Variants in XRCC5 observed in about 807,000 individuals in gnomAD.
XRCC5 encodes DNA repair protein Ku80.
A neutral mutation model predicts 95.7 loss-of-function variants in XRCC5; 12 were observed. The observed-to-expected ratio is 0.13, with a 90% CI of 0.08 to 0.20. The LOEUF (loss-of-function observed/expected upper bound fraction) is 0.20. XRCC5 is among the 10% of genes least tolerant of loss of function. XRCC5 has a pLI of 1.00. For missense variants in XRCC5, 595 were observed against 873.9 expected, an observed-to-expected ratio of 0.68 and a Z score of 4.02; for synonymous variants, 281 against 290.3, an observed-to-expected ratio of 0.97 and a Z score of 0.33.
At chr2:216,140,927 C>A (rs1007040419) in intron 12 of XRCC5, among the ~76,000 whole-genome samples, 3 of 152,046 alleles carry the variant, frequency 2.0e-5, no homozygotes, top group Non-Finnish European at 4.4e-5. Flanking sequence ...AACTTTCTTG[C>A]TTTTGATCTG....
chr2:216,131,430 T>G (rs1406611624), intron 9 of XRCC5, among the ~76,000 whole-genome samples: 1 of 152,120 alleles, frequency 6.6e-6, no homozygotes, highest in East Asian at 1.9e-4. Context: ...GGCTCCAGAT[T>G]TCATAGATCA....
intron 13 of XRCC5, among the ~76,000 whole-genome samples, chr2:216,141,952 G>A (rs1187168166): frequency 6.6e-6 from 1 of 152,098 alleles, no homozygotes; most frequent in Non-Finnish European, 1.5e-5. Context: ...TTCTCAGGAG[G>A]CTGAAGTGGG....
intron 15 of XRCC5, among the ~76,000 whole-genome samples, chr2:216,160,719 A>G (rs1688937007): frequency 6.6e-6 from 1 of 151,962 alleles, no homozygotes; most frequent in South Asian, 2.1e-4. Flanking sequence ...GCCAGGAGGA[A>G]GAATATTTTA....
At chr2:216,196,218 TAA>T (rs58466188) in intron 19 of XRCC5, among the ~76,000 whole-genome samples, 5,226 of 141,484 alleles carry the variant, frequency 0.037, 118 homozygotes, top group Middle Eastern at 0.11. Context: ...AGATTTTTGT[TAA>T]AAAAAAAAAA....
rs893237811 is a variant in XRCC5, at chr2:216,156,738, G to A, written c.1671-3330G>A. ...TGCACAAGATTTATTCCTCAAATGA[G>A]GATTTTGCCGCTGCTCCATTGGAAC... On this transcript the variant is annotated intron_variant, in intron 14 of 20. Coordinates refer to ENST00000392132, the MANE Select transcript of XRCC5 (RefSeq NM_021141.4). 9.4e-6 allele frequency: 5 copies of A among 534,738 alleles called. No homozygotes were observed. The African/African-American group carries it at 9.6e-5, about 10-fold the overall frequency. 33.1% of individuals were successfully genotyped at this position (534,738 alleles called of 1,614,324 possible). A position where few individuals can be genotyped will look rare whatever the true frequency, so the allele number is the denominator to read the frequency against.
chr2:216,172,613 C>A (rs1017368534), intron 16 of XRCC5, among the ~76,000 whole-genome samples: 78 of 151,812 alleles, frequency 5.1e-4, no homozygotes, highest in African/African-American at 1.9e-3. Flanking sequence ...GGATTACAGG[C>A]ATGAGGTACT....
At chr2:216,141,458 C>T (rs1697167380) in intron 13 of XRCC5, 139 bp downstream of exon 13, 1 of 657,980 alleles carries the variant, frequency 1.5e-6, no homozygotes, top group South Asian at 3.2e-5. Flanking sequence ...GGAAGAATAA[C>T]ATCTTCCTCT....
intron 16 of XRCC5, among the ~76,000 whole-genome samples, chr2:216,179,109 A>G (rs1689333558): frequency 1.3e-5 from 2 of 152,248 alleles, no homozygotes; most frequent in South Asian, 4.1e-4. Context: ...TCTGGAGACT[A>G]AAGTCCAAAA....
In XRCC5 at chr2:216,117,533, TTTC is replaced by T. The variant is rs552833899; in HGVS notation, c.320-210_320-208del. The T allele has an allele frequency of 5.1e-4, 257 of 504,676 alleles. 1 individual carries two copies. Among genetic ancestry groups the T allele is most frequent in the African/African-American group, 4.4e-3 (236 of 53,048 alleles). 31.3% of individuals were successfully genotyped at this position (504,676 alleles called of 1,614,324 possible). A position where few individuals can be genotyped will look rare whatever the true frequency, so the allele number is the denominator to read the frequency against. ...TGTGTTAGATTACCTTTTGTTTATA[TTTC>T]TTGGTTGTTTTTGGCAGAATATATA... is the stretch of plus-strand genomic sequence containing the variant. On this transcript the variant is annotated intron_variant, in intron 3 of 20. Transcript: ENST00000392132.
intron 15 of XRCC5, among the ~76,000 whole-genome samples, chr2:216,161,067 C>T (rs2106027249): frequency 1.3e-5 from 2 of 152,216 alleles, no homozygotes; most frequent in East Asian, 3.9e-4. Flanking sequence ...CTTTTTAACA[C>T]AATGTACTAG....
chr2:216,185,952 T>C (rs1275090024), intron 16 of XRCC5, among the ~76,000 whole-genome samples: 1 of 152,234 alleles, frequency 6.6e-6, no homozygotes, highest in Non-Finnish European at 1.5e-5. Flanking sequence ...ATTTAAAATT[T>C]ATTTAACTGC....
At chr2:216,160,661 A>T (rs918665850) in intron 15 of XRCC5, among the ~76,000 whole-genome samples, 7 of 146,396 alleles carry the variant, frequency 4.8e-5, no homozygotes, top group South Asian at 4.4e-4. Flanking sequence ...TGAAAATACT[A>T]CCTTAATTAA....
chr2:216,160,783 G>C (rs1204923224), intron 15 of XRCC5, among the ~76,000 whole-genome samples: 1 of 152,090 alleles, frequency 6.6e-6, no homozygotes. Context: ...ACAGTAGTGT[G>C]ATTTTAGCTC....
chr2:216,173,187 T>G (rs1689203577), intron 16 of XRCC5, among the ~76,000 whole-genome samples: 1 of 152,110 alleles, frequency 6.6e-6, no homozygotes, highest in Non-Finnish European at 1.5e-5. Context: ...AAGCTTTACT[T>G]CTTCTTTTAT....
At chr2:216,137,598 A>G (rs1697106814) in intron 11 of XRCC5, among the ~76,000 whole-genome samples, 1 of 152,250 alleles carries the variant, frequency 6.6e-6, no homozygotes, top group African/African-American at 2.4e-5. Context: ...TTGGAACCAA[A>G]TAGAGAAATT....
intron 16 of XRCC5, among the ~76,000 whole-genome samples, chr2:216,185,008 A>C (rs1263846026): frequency 6.6e-6 from 1 of 152,062 alleles, no homozygotes; most frequent in Non-Finnish European, 1.5e-5. Context: ...TACTGGTGGG[A>C]AGTAGGGAGG....
At chr2:216,160,963 G>A (rs1053512973) in intron 15 of XRCC5, among the ~76,000 whole-genome samples, 1 of 151,956 alleles carries the variant, frequency 6.6e-6, no homozygotes, top group African/African-American at 2.4e-5. Context: ...CGAAGCACTG[G>A]GATTATAGTC....
In XRCC5 at chr2:216,205,174, G is replaced by A; in HGVS notation, c.2185-14G>A. ...GGCCTGATTCCTTTCTAAGTGTGTT[G>A]TTCTTGTTCACAGTTGGACATGATA... On this transcript the variant is annotated splice_polypyrimidine_tract_variant and intron_variant, in intron 20 of 20. Transcript: ENST00000392132. 3.1e-6 allele frequency: 5 copies of A among 1,613,848 alleles called. No homozygotes were observed. Among genetic ancestry groups the A allele is most frequent in the Non-Finnish European group, 4.2e-6 (5 of 1,179,796 alleles).
rs201861327 is a variant in XRCC5 at position 216,192,653 on chromosome 2, G to A, written c.1959G>A (p.Gln653=). The A allele has an allele frequency of 5.7e-6, 9 of 1,590,992 alleles. No homozygotes were observed. In the African/African-American group the frequency reaches 8.1e-5, roughly 14 times the overall value. The stretch of plus-strand genomic sequence containing the variant: ...TGCTACCACAGTTTTCAGAAGAGCA[G>A]CGCTTTAACAACTTCCTGAAAGCCC... ...REEAIKFSEE[Q]RFNNFLKALQ... Residue 653 remains glutamine (Q), a synonymous_variant, in exon 18 of 21, where the codon CAG becomes CAA. Transcript: ENST00000392132.
Sources: allele counts gnomAD v4.1 joint callset (sites outside exome capture counted in the v4.1 genomes callset), GRCh38; gene constraint gnomAD v4.1.1; transcripts MANE v1.5; gene names NCBI Gene and HGNC (gene_info 2026-07-23, HGNC 2026-07-21).